Variants in CHRNA10 observed in about 807,000 individuals in gnomAD.
CHRNA10 encodes neuronal acetylcholine receptor subunit alpha-10.
CHRNA10 carries 31 observed loss-of-function variants against 36.0 expected under a neutral mutation model. The observed-to-expected ratio is 0.86, with a 90% CI of 0.65 to 1.16. CHRNA10 has a LOEUF of 1.16. Ranked by LOEUF, CHRNA10 falls within the 50% of genes most tolerant of loss-of-function variation. The pLI is 0.00. For missense variants in CHRNA10, 648 were observed against 640.9 expected, an observed-to-expected ratio of 1.01 and a Z score of -0.12; for synonymous variants, 302 against 287.0, an observed-to-expected ratio of 1.05 and a Z score of -0.53.
Position 3,669,324 on chromosome 11 carries a change from C to G in CHRNA10, c.234G>C (p.Leu78=). 1 of 1,613,998 alleles carries G rather than the reference C, an allele frequency of 6.2e-7. No individual in the cohort carries two copies. The highest frequency in any genetic ancestry group is 8.5e-7 in the Non-Finnish European group (1 of 1,179,914). The change falls in exon 3 of 5, where the codon CTG becomes CTC. Residue 78 remains leucine, a synonymous_variant. Coordinates refer to ENST00000250699, the MANE Select transcript of CHRNA10 (RefSeq NM_020402.4). Reference sequence around the variant, plus strand: ...TCCACTCCTGCCGTATCCACAGATACAGGGTCAGCACCTGGTTCCGTTCAT... The same window carrying G: ...TCCACTCCTGCCGTATCCACAGATAGAGGGTCAGCACCTGGTTCCGTTCAT... ...DMDERNQVLT[L]YLWIRQEWTD... is the part of the protein sequence containing the mutation.
chr11:3,671,137 C>T, intron 1 of CHRNA10, 115 bp downstream of exon 1: 1 of 1,107,330 alleles, frequency 9.0e-7, no homozygotes, highest in East Asian at 2.4e-5. Flanking sequence ...AGAGCTTGTT[C>T]TCAGAACAGG....
intron 2 of CHRNA10, 125 bp downstream of exon 2, chr11:3,669,671 A>G (rs974587678): frequency 7.6e-7 from 1 of 1,312,096 alleles, no homozygotes; most frequent in Admixed American, 1.7e-5. Context: ...TGTAACTGCT[A>G]CCTTTGTTAA....
In CHRNA10 at chr11:3,669,310, C is replaced by T. The variant is rs143738030; in HGVS notation, c.248G>A (p.Arg83Gln). Reference protein sequence around the residue: ...NQVLTLYLWIRQEWTDAYLRW... With the variant: ...NQVLTLYLWIQQEWTDAYLRW... ...TAGGTAGGCATCTGTCCACTCCTGCCGTATCCACAGATACAGGGTCAGCAC... is the reference window on the plus strand; with the variant it reads ...TAGGTAGGCATCTGTCCACTCCTGCTGTATCCACAGATACAGGGTCAGCAC... Residue 83 changes from arginine (R) to glutamine (Q), a missense_variant, in exon 3 of 5, where the codon CGG (arginine) becomes CAG (glutamine). Transcript: ENST00000250699. 101 of 1,613,918 alleles carry T rather than the reference C, an allele frequency of 6.3e-5. No individual in the cohort carries two copies. Among genetic ancestry groups the T allele is most frequent in the African/African-American group, 8.0e-5 (6 of 74,878 alleles).
In CHRNA10 at chr11:3,667,471, C is replaced by T; in HGVS notation, c.656G>A (p.Cys219Tyr). The T allele has an allele frequency of 1.3e-6, 2 of 1,592,236 alleles. No individual in the cohort carries two copies. Among genetic ancestry groups the T allele is most frequent in the Non-Finnish European group, 1.7e-6 (2 of 1,175,306 alleles). The change falls in exon 4 of 5, where the codon TGC becomes TAC. Residue 219 changes from cysteine (C) to tyrosine (Y), a missense_variant. Coordinates refer to ENST00000250699, the MANE Select transcript of CHRNA10 (RefSeq NM_020402.4). ...GGTGACGTCGGGGTAGGGCTCGGAG[C>T]AGCAGCCGTAGGTGAGCACGCGCCG... ...ARRRVLTYGC[C>Y]SEPYPDVTFT...
chr11:3,669,343 C>T lies in CHRNA10; in HGVS notation c.215G>A (p.Arg72Gln), dbSNP rs148199158. 6.4e-5 allele frequency: 104 copies of T among 1,613,588 alleles called. No individual in the cohort carries two copies. In the East Asian group the frequency reaches 1.2e-3, roughly 19 times the overall value. Reference protein sequence around the residue: ...TLSQIIDMDERNQVLTLYLWI... With the variant: ...TLSQIIDMDEQNQVLTLYLWI... ...CAGATACAGGGTCAGCACCTGGTTCCGTTCATCCTAGTGGGGGCAGGGAAT... is the reference window on the plus strand; with the variant it reads ...CAGATACAGGGTCAGCACCTGGTTCTGTTCATCCTAGTGGGGGCAGGGAAT... The change falls in exon 3 of 5, where the codon CGG becomes CAG. Residue 72 changes from arginine to glutamine, a missense_variant. Physicochemically the swap from Arg to Gln is conservative, Grantham distance 43. Coordinates refer to ENST00000250699, the MANE Select transcript of CHRNA10 (RefSeq NM_020402.4).
At chr11:3,668,309 C>G (rs901829157) in intron 3 of CHRNA10, among the ~76,000 whole-genome samples, 1 of 152,012 alleles carries the variant, frequency 6.6e-6, no homozygotes, top group Non-Finnish European at 1.5e-5. Flanking sequence ...GTCAGGAGAT[C>G]GAGACCACCC....
In CHRNA10 at chr11:3,665,692, G is replaced by T; in HGVS notation, c.*415C>A. The T allele has an allele frequency of 6.3e-6, 1 of 158,076 alleles. No homozygotes were observed. Among genetic ancestry groups the T allele is most frequent in the African/African-American group, 2.4e-5 (1 of 41,744 alleles). The allele number at this position is 158,076 out of a possible 1,614,324, so 9.8% of individuals were successfully genotyped here. On this transcript the variant is annotated 3_prime_UTR_variant, in exon 5 of 5. Coordinates refer to ENST00000250699, the MANE Select transcript of CHRNA10 (RefSeq NM_020402.4). Reference sequence around the variant, plus strand: ...GAGAATCCCCGACCCTTTTCCCTGAGCCCCTCAGCAGGGAAAGGTAACAGC... The same window carrying T: ...GAGAATCCCCGACCCTTTTCCCTGATCCCCTCAGCAGGGAAAGGTAACAGC...
rs149693124 is a variant in CHRNA10 at position 3,666,424 on chromosome 11, G to A, written c.1036C>T (p.Arg346Trp). The part of the protein sequence containing the change: ...ARALLLGHLA[R>W]GLCVRERGEP... ...CCTCTTTCCCGCACGCACAGGCCCC[G>A]TGCCAGGTGTCCCAGCAGGAGGGCC... The change falls in exon 5 of 5, where the codon CGG (arginine) becomes TGG (tryptophan). Residue 346 changes from arginine (R) to tryptophan (W), a missense_variant. By Grantham distance (101) the Arg-to-Trp change is moderately radical. Transcript: ENST00000250699. 1.3e-4 allele frequency: 205 copies of A among 1,613,840 alleles called. No individual in the cohort carries two copies. The highest frequency in any genetic ancestry group is 1.8e-4 in the Admixed American group (11 of 59,990).
intron 1 of CHRNA10, 189 bp downstream of exon 1, chr11:3,671,063 C>T (rs2077710113): frequency 1.6e-6 from 1 of 624,174 alleles, no homozygotes; most frequent in Non-Finnish European, 2.8e-6. Flanking sequence ...ACTGTTTCCA[C>T]CCTAGCCAGG....
chr11:3,669,912 GAGCC>G lies in CHRNA10; in HGVS notation c.87_90del (p.Ala30SerfsTer15). On this transcript the variant is annotated frameshift_variant, in exon 2 of 5. Coordinates refer to ENST00000250699, the MANE Select transcript of CHRNA10 (RefSeq NM_020402.4). LOFTEE classifies it high-confidence loss of function. ...GCAAAGAGGTCACGGAACAGCTTGA[GAGCC>G]AGCCGGCCCTCAGCTCCCAGGCACT... The G allele has an allele frequency of 6.2e-7, 1 of 1,614,186 alleles. No individual in the cohort carries two copies. Among genetic ancestry groups the G allele is most frequent in the Non-Finnish European group, 8.5e-7 (1 of 1,180,046 alleles).
At chr11:3,666,609 T>TGG in intron 4 of CHRNA10, 45 bp from the exon 5 acceptor site, 1 of 1,448,464 alleles carries the variant, frequency 6.9e-7, no homozygotes, top group Non-Finnish European at 9.3e-7. Context: ...CAAAAGCCTG[T>TGG]GGTTCCTGAG....
rs770226817 is a variant in CHRNA10, at chr11:3,669,779, C to T, written c.207+17G>A. 4.3e-6 allele frequency: 7 copies of T among 1,613,582 alleles called. No homozygotes were observed. The highest frequency in any genetic ancestry group is 1.7e-5 in the Admixed American group (1 of 60,026). On this transcript the variant is annotated intron_variant, in intron 2 of 4. Transcript: ENST00000250699. ...TGACAGGTAAGACTCCACAGCTGTA[C>T]CACCACCACAACGCACCATGTCGAT... is the stretch of plus-strand genomic sequence containing the variant.
In CHRNA10 at chr11:3,669,912, G is replaced by C. The variant is rs751181407; in HGVS notation, c.91C>G (p.Leu31Val). 1.2e-6 allele frequency: 2 copies of C among 1,614,186 alleles called. No homozygotes were observed. Among genetic ancestry groups the C allele is most frequent in the Non-Finnish European group, 1.7e-6 (2 of 1,180,046 alleles). Residue 31 changes from leucine (L) to valine (V), a missense_variant, in exon 2 of 5, where the codon CTC (leucine) becomes GTC (valine). Leu to Val is a conservative substitution (Grantham distance 32, BLOSUM62 1). Coordinates refer to ENST00000250699, the MANE Select transcript of CHRNA10 (RefSeq NM_020402.4). ...GCAAAGAGGTCACGGAACAGCTTGA[G>C]AGCCAGCCGGCCCTCAGCTCCCAGG... ...ECLGAEGRLA[L>V]KLFRDLFANY...
At position 3,669,247 on chromosome 11, in the gene CHRNA10, A is replaced by T; in HGVS notation, c.311T>A (p.Ile104Asn). ...DPNAYGGLDA[I>N]RIPSSLVWRP... ...CCACACAAGACTGCTGGGGATGCGG[A>T]TGGCATCCAGGCCACCATAGGCATT... The change falls in exon 3 of 5, where the codon ATC becomes AAC. Residue 104 changes from isoleucine to asparagine, a missense_variant. Ile to Asn is a moderately radical substitution (Grantham distance 149). Transcript: ENST00000250699. 1 of 1,613,994 alleles carries T rather than the reference A, an allele frequency of 6.2e-7. No individual in the cohort carries two copies. The highest frequency in any genetic ancestry group is 8.5e-7 in the Non-Finnish European group (1 of 1,179,974).
chr11:3,670,436 G>A (rs2077705337), intron 1 of CHRNA10, among the ~76,000 whole-genome samples: 1 of 152,066 alleles, frequency 6.6e-6, no homozygotes, highest in South Asian at 2.1e-4. Context: ...CTCAATCCCT[G>A]ACCTAAACAT....
In CHRNA10 at chr11:3,671,284, A is replaced by G. The variant is rs1241565284; in HGVS notation, c.29T>C (p.Leu10Pro). The G allele has an allele frequency of 1.2e-6, 2 of 1,614,174 alleles. No homozygotes were observed. Among genetic ancestry groups the G allele is most frequent in the Non-Finnish European group, 1.7e-6 (2 of 1,180,000 alleles). The change falls in exon 1 of 5, where the codon CTG becomes CCG. Residue 10 changes from leucine (L) to proline (P), a missense_variant. By Grantham distance (98) the Leu-to-Pro change is moderately conservative (BLOSUM62 -3). Coordinates refer to ENST00000250699, the MANE Select transcript of CHRNA10 (RefSeq NM_020402.4). MGLRSHHLSLGLLLLFLLPA... is the reference protein window; with the variant it reads MGLRSHHLSPGLLLLFLLPA... ...GAGTAGAAACAGAAGCAGAAGGCCCAGGCTGAGGTGGTGGCTCCGGAGCCC... is the reference window on the plus strand; with the variant it reads ...GAGTAGAAACAGAAGCAGAAGGCCCGGGCTGAGGTGGTGGCTCCGGAGCCC...
chr11:3,670,317 C>T (rs2077704535), intron 1 of CHRNA10, among the ~76,000 whole-genome samples: 1 of 152,192 alleles, frequency 6.6e-6, no homozygotes, highest in Non-Finnish European at 1.5e-5. Context: ...TCTCTCAAAC[C>T]TGTTTCCACT....
chr11:3,670,899 C>T (rs147383937), intron 1 of CHRNA10, among the ~76,000 whole-genome samples: 500 of 152,348 alleles, frequency 3.3e-3, no homozygotes, highest in African/African-American at 0.012. Context: ...CAGGACCACG[C>T]TTTTAAGCAT....
Position 3,668,246 on chromosome 11 carries a change from G to A in CHRNA10, c.363-482C>T, listed in dbSNP as rs950331629. Among the ~76,000 whole-genome samples, 24 of 152,182 alleles carry A rather than the reference G, an allele frequency of 1.6e-4. 1 individual carries two copies. The highest frequency in any genetic ancestry group is 3.2e-4 in the Non-Finnish European group (22 of 68,036). On this transcript the variant is annotated intron_variant, in intron 3 of 4. Transcript: ENST00000250699. ...CTTCTGCTTGTGGCTGGGTGCGGTG[G>A]CTCACGCCTGTGATCCCAGCACTTT...
Sources: allele counts gnomAD v4.1 joint callset (sites outside exome capture counted in the v4.1 genomes callset), GRCh38; gene constraint gnomAD v4.1.1; transcripts MANE v1.5; gene names NCBI Gene and HGNC (gene_info 2026-07-23, HGNC 2026-07-21).